TRIM2: variants seen among roughly 807,000 people sequenced by gnomAD.
The protein encoded by TRIM2 is tripartite motif containing 2.
Under a neutral mutation model 75.2 loss-of-function variants are expected in TRIM2, and 20 were observed. That is an observed-to-expected ratio of 0.27 (90% CI 0.19 to 0.39). The LOEUF (loss-of-function observed/expected upper bound fraction) is 0.39. Ranked by LOEUF, TRIM2 falls within the 10% of genes least tolerant of loss-of-function variation. TRIM2 has a pLI of 1.00. For synonymous variants in TRIM2, 373 were observed against 388.3 expected, an observed-to-expected ratio of 0.96 and a Z score of 0.46; for missense variants, 660 against 990.8, an observed-to-expected ratio of 0.67 and a Z score of 4.48.
chr4:153,176,452 C>CA lies in TRIM2; in HGVS notation c.-49+23193dup, dbSNP rs1162971173. Among the ~76,000 whole-genome samples the CA allele has an allele frequency of 2.3e-3, 313 of 136,614 alleles. 1 individual carries two copies. Among genetic ancestry groups the CA allele is most frequent in the African/African-American group, 6.7e-3 (248 of 36,932 alleles). The allele number at this position is 136,614 out of a possible 152,430, so 89.6% of individuals were successfully genotyped here. A position where few individuals can be genotyped will look rare whatever the true frequency, so the allele number is the denominator to read the frequency against. Reference sequence around the variant, plus strand: ...TGGGCGACAGAGTGAGATCCTGTGTCAAAAAAAAAAAGGAATGATACAGCA... The same window carrying CA: ...TGGGCGACAGAGTGAGATCCTGTGTCAAAAAAAAAAAAGGAATGATACAGCA... On this transcript the variant is annotated intron_variant, in intron 1 of 11. Coordinates refer to the TRIM2 transcript ENST00000437508.
rs1386500523 is a variant in TRIM2, at chr4:153,336,479, T to C, written c.*1513T>C. 2.0e-6 allele frequency: 2 copies of C among 985,670 alleles called. No individual in the cohort carries two copies. The highest frequency in any genetic ancestry group is 3.5e-5 in the African/African-American group (2 of 57,212). 61.1% of individuals were successfully genotyped at this position (985,670 alleles called of 1,614,324 possible). On this transcript the variant is annotated 3_prime_UTR_variant, in exon 12 of 12. Transcript: ENST00000338700. ...GAAATGTTAAGAACAATTTAGTCAATCGTTCATCTGTCATTGGTACTGTAA... is the reference window on the plus strand; with the variant it reads ...GAAATGTTAAGAACAATTTAGTCAACCGTTCATCTGTCATTGGTACTGTAA...
At position 153,180,486 on chromosome 4, in the gene TRIM2, A is replaced by C. The variant is rs147947709; in HGVS notation, c.-49+27216A>C. Among the ~76,000 whole-genome samples, 120 of 152,272 alleles carry C rather than the reference A, an allele frequency of 7.9e-4. 1 individual carries two copies. Among genetic ancestry groups the C allele is most frequent in the African/African-American group, 2.7e-3 (112 of 41,526 alleles). On this transcript the variant is annotated intron_variant, in intron 1 of 11. Coordinates refer to the TRIM2 transcript ENST00000437508. ...CGTTTTCCCAGTTGCCATCTTACCT[A>C]CAAATATTTTTGTTTGTTTATTTGT...
chr4:153,277,069 A>G (rs1277648217), intron 3 of TRIM2, among the ~76,000 whole-genome samples: 1 of 152,196 alleles, frequency 6.6e-6, no homozygotes, highest in Non-Finnish European at 1.5e-5. Flanking sequence ...CAAGCAAGCA[A>G]TCATTAGAGC....
At chr4:153,287,082 G>C (rs6831573) in intron 3 of TRIM2, among the ~76,000 whole-genome samples, 17,070 of 151,684 alleles carry the variant, frequency 0.11, 1,127 homozygotes, top group African/African-American at 0.19. Context: ...GGGTTCAATT[G>C]ATATTCCTGC....
intron 1 of TRIM2, among the ~76,000 whole-genome samples, chr4:153,154,165 C>T (rs1199604831): frequency 1.3e-5 from 2 of 152,188 alleles, no homozygotes; most frequent in Non-Finnish European, 2.9e-5. Flanking sequence ...TTCACAGAGT[C>T]ACGTGGTTTC....
At chr4:153,221,781 A>AG (rs879668455) in intron 1 of TRIM2, among the ~76,000 whole-genome samples, 20,373 of 110,820 alleles carry the variant, frequency 0.18, 1,822 homozygotes, top group African/African-American at 0.29. Context: ...GAAGGAAAGA[A>AG]GAAAAGGAAG....
intron 6 of TRIM2, among the ~76,000 whole-genome samples, chr4:153,304,124 C>CT (rs1461943374): frequency 2.6e-5 from 4 of 151,642 alleles, no homozygotes; most frequent in Admixed American, 6.6e-5. Context: ...TTCTTTCTTT[C>CT]TTTTTTTGAG....
At chr4:153,311,270 T>C (rs1266401045) in intron 6 of TRIM2, among the ~76,000 whole-genome samples, 1 of 152,214 alleles carries the variant, frequency 6.6e-6, no homozygotes, top group Non-Finnish European at 1.5e-5. Context: ...CAACATCATG[T>C]CCATATTTTC....
chr4:153,178,373 G>A (rs1013450507), intron 1 of TRIM2, among the ~76,000 whole-genome samples: 1 of 152,164 alleles, frequency 6.6e-6, no homozygotes, highest in African/African-American at 2.4e-5. Context: ...TGTACTTGAA[G>A]GTTAATCCCT....
chr4:153,307,715 G>A, intron 6 of TRIM2: 1 of 574,708 alleles, frequency 1.7e-6, no homozygotes, highest in Non-Finnish European at 3.3e-6. Flanking sequence ...CCTGTTAGCT[G>A]GAAGCATGGG....
chr4:153,315,576 C>T lies in TRIM2; in HGVS notation c.1602C>T (p.Asn534=), dbSNP rs752886244. ...AGATATTAATTGCAGACAGTAACAA[C>T]CAATGTGTGCAGGTATAGCCCCTAA... ...NGKILIADSN[N]QCVQIFSNDG... The change falls in exon 7 of 12, where the codon AAC becomes AAT. Residue 534 remains asparagine (N), a synonymous_variant. Coordinates refer to ENST00000338700, the MANE Select transcript of TRIM2 (RefSeq NM_015271.5). The T allele has an allele frequency of 1.9e-6, 3 of 1,610,292 alleles. No individual in the cohort carries two copies.
At chr4:153,167,944 A>G (rs191930048) in intron 1 of TRIM2, among the ~76,000 whole-genome samples, 11 of 152,358 alleles carry the variant, frequency 7.2e-5, no homozygotes, top group African/African-American at 1.2e-4. Context: ...GGTAAAACAC[A>G]TAAGTGTTGG....
At chr4:153,203,428 C>CGA (rs1358181221), upstream of TRIM2, among the ~76,000 whole-genome samples, 1 of 150,372 alleles carries the variant, frequency 6.7e-6, no homozygotes, top group Non-Finnish European at 1.5e-5. Context: ...CACACACACA[C>CGA]ACACGAAGAA....
chr4:153,281,962 A>G (rs914301636), intron 3 of TRIM2, among the ~76,000 whole-genome samples: 23 of 152,238 alleles, frequency 1.5e-4, no homozygotes, highest in Non-Finnish European at 1.6e-4. Context: ...ACAAGTTTCC[A>G]CTTCCATATC....
At chr4:153,308,877 C>T (rs1358761435) in intron 6 of TRIM2, among the ~76,000 whole-genome samples, 1 of 152,116 alleles carries the variant, frequency 6.6e-6, no homozygotes, top group Non-Finnish European at 1.5e-5. Flanking sequence ...TACCACCTTT[C>T]CTCCCTAAAA....
chr4:153,313,269 G>A (rs1766759150), intron 6 of TRIM2, among the ~76,000 whole-genome samples: 2 of 152,088 alleles, frequency 1.3e-5, no homozygotes, highest in African/African-American at 4.8e-5. Flanking sequence ...TGATACATTT[G>A]AATTAAAATA....
intron 1 of TRIM2, among the ~76,000 whole-genome samples, chr4:153,225,059 A>G (rs778080650): frequency 6.6e-6 from 1 of 152,164 alleles, no homozygotes; most frequent in Non-Finnish European, 1.5e-5. Context: ...GATTGGTAAG[A>G]ATTTGGCCTA....
intron 1 of TRIM2, among the ~76,000 whole-genome samples, chr4:153,157,977 C>T (rs940566763): frequency 2.6e-5 from 4 of 152,212 alleles, no homozygotes; most frequent in Non-Finnish European, 4.4e-5. Flanking sequence ...TTGATAATGA[C>T]AGGTTCCCTA....
At chr4:153,292,688 G>T (rs1201313929) in intron 3 of TRIM2, among the ~76,000 whole-genome samples, 1 of 152,206 alleles carries the variant, frequency 6.6e-6, no homozygotes, top group African/African-American at 2.4e-5. Flanking sequence ...TTATAACGGG[G>T]TCCTGATATA....
Sources: gnomAD v4.1 joint callset for allele counts (sites outside exome capture counted in the v4.1 genomes callset) on GRCh38, gnomAD v4.1.1 for gene constraint, MANE v1.5 for transcripts, NCBI Gene and HGNC (gene_info 2026-07-23, HGNC 2026-07-21) for gene names.